The following SLC25A21 variants were observed in gnomAD, a reference collection of about 807,000 sequenced individuals.
SLC25A21 encodes mitochondrial 2-oxodicarboxylate carrier.
In SLC25A21, 47 loss-of-function variants were observed where a neutral mutation model predicts 43.8. The observed-to-expected ratio is 1.07, with a 90% CI of 0.85 to 1.37. The LOEUF (loss-of-function observed/expected upper bound fraction) is 1.37, where lower values mean the gene tolerates loss of function less well. SLC25A21 is among the 40% of genes most tolerant of loss of function. SLC25A21 has a pLI of 0.00. For missense variants in SLC25A21, 352 were observed against 350.2 expected, an observed-to-expected ratio of 1.00 and a Z score of -0.04; for synonymous variants, 131 against 121.3, an observed-to-expected ratio of 1.08 and a Z score of -0.52.
chr14:37,138,124 A>G (rs968672044), intron 1 of SLC25A21, among the ~76,000 whole-genome samples: 5 of 152,174 alleles, frequency 3.3e-5, no homozygotes, highest in African/African-American at 9.7e-5. Flanking sequence ...TGGTGACAAG[A>G]GAGCCAGATG....
chr14:36,858,484 C>G (rs1889969046), intron 2 of SLC25A21, among the ~76,000 whole-genome samples: 1 of 152,114 alleles, frequency 6.6e-6, no homozygotes, highest in African/African-American at 2.4e-5. Context: ...TAGTTCCTAA[C>G]TTTTCTGTAA....
intron 1 of SLC25A21, among the ~76,000 whole-genome samples, chr14:36,980,117 A>G (rs1959984732): frequency 6.6e-6 from 1 of 152,216 alleles, no homozygotes; most frequent in Non-Finnish European, 1.5e-5. Flanking sequence ...TGACAGTTAA[A>G]AAACTGTTGA....
At chr14:37,011,136 C>T (rs2138739122) in intron 1 of SLC25A21, among the ~76,000 whole-genome samples, 1 of 152,300 alleles carries the variant, frequency 6.6e-6, no homozygotes, top group Non-Finnish European at 1.5e-5. Flanking sequence ...ATCCGCCCAC[C>T]TCAGCCTCCC....
intron 1 of SLC25A21, among the ~76,000 whole-genome samples, chr14:37,067,903 T>C (rs370956257): frequency 1.2e-4 from 18 of 152,370 alleles, no homozygotes; most frequent in African/African-American, 3.8e-4. Flanking sequence ...ACTTCTGATA[T>C]CTTCTTCCCG....
intron 1 of SLC25A21, among the ~76,000 whole-genome samples, chr14:37,088,151 T>TG (rs1172857193): frequency 1.3e-5 from 2 of 152,210 alleles, no homozygotes; most frequent in Non-Finnish European, 2.9e-5. Flanking sequence ...ATACAGTATA[T>TG]TTTTCCTCTT....
At chr14:37,134,433 C>T (rs907670140) in intron 1 of SLC25A21, among the ~76,000 whole-genome samples, 5 of 152,092 alleles carry the variant, frequency 3.3e-5, no homozygotes, top group African/African-American at 9.7e-5. Context: ...ACACTCAGTA[C>T]TTTTTCCACT....
intron 2 of SLC25A21, among the ~76,000 whole-genome samples, chr14:36,827,447 C>A (rs761645384): frequency 2.0e-5 from 3 of 152,074 alleles, no homozygotes; most frequent in Non-Finnish European, 4.4e-5. Flanking sequence ...TGAAATCATG[C>A]GACAACTGCA....
At chr14:36,985,720 ATTT>A (rs1195701109) in intron 1 of SLC25A21, among the ~76,000 whole-genome samples, 2 of 152,088 alleles carry the variant, frequency 1.3e-5, no homozygotes, top group Non-Finnish European at 2.9e-5. Flanking sequence ...GGTTGTCGTA[ATTT>A]TCCAATTGTA....
At position 36,789,810 on chromosome 14, in the gene SLC25A21, T is replaced by TTATATTTA. The variant is rs1362072286; in HGVS notation, c.203+24107_203+24108insTAAATATA. On this transcript the variant is annotated intron_variant, in intron 3 of 9. Transcript: ENST00000331299. ...TTTATATATAATATATTTTATATAT[T>TTATATTTA]ATATATAATATATTTTATATATTTA... Among the ~76,000 whole-genome samples the TTATATTTA allele has an allele frequency of 1.1e-4, 11 of 101,104 alleles. 1 individual carries two copies. Among genetic ancestry groups the TTATATTTA allele is most frequent in the African/African-American group, 4.3e-4 (11 of 25,616 alleles). 66.3% of individuals were successfully genotyped at this position (101,104 alleles called of 152,430 possible). A position where few individuals can be genotyped will look rare whatever the true frequency, so the allele number is the denominator to read the frequency against.
At chr14:37,039,726 C>T (rs528154748) in intron 1 of SLC25A21, among the ~76,000 whole-genome samples, 1 of 152,328 alleles carries the variant, frequency 6.6e-6, no homozygotes, top group South Asian at 2.1e-4. Flanking sequence ...TGTGCCAGCC[C>T]TCAAGGATCT....
At chr14:37,129,603 G>T (rs1963358352) in intron 1 of SLC25A21, among the ~76,000 whole-genome samples, 1 of 151,372 alleles carries the variant, frequency 6.6e-6, no homozygotes, top group Non-Finnish European at 1.5e-5. Flanking sequence ...AACTGCCGCA[G>T]GTCCAATATT....
intron 1 of SLC25A21, among the ~76,000 whole-genome samples, chr14:36,969,682 G>A: frequency 6.6e-6 from 1 of 152,056 alleles, no homozygotes; most frequent in Middle Eastern, 3.4e-3. Flanking sequence ...TATGGAGATG[G>A]GGTCTCGGTA....
intron 2 of SLC25A21, among the ~76,000 whole-genome samples, chr14:36,858,233 C>G (rs1889960498): frequency 6.6e-6 from 1 of 152,152 alleles, no homozygotes; most frequent in East Asian, 1.9e-4. Context: ...CCATCTCTGC[C>G]TGCTGGACCA....
intron 1 of SLC25A21, among the ~76,000 whole-genome samples, chr14:37,171,034 C>G (rs12587565): frequency 6.7e-6 from 1 of 149,164 alleles, no homozygotes; most frequent in African/African-American, 2.5e-5. Flanking sequence ...AGCAGCGAGC[C>G]GAGATCGCGC....
At chr14:36,893,383 T>C (rs1891139999) in intron 1 of SLC25A21, among the ~76,000 whole-genome samples, 1 of 152,148 alleles carries the variant, frequency 6.6e-6, no homozygotes, top group African/African-American at 2.4e-5. Context: ...TTCACCCACT[T>C]TTTGATGGGG....
At chr14:36,884,275 C>T (rs79067276) in intron 1 of SLC25A21, among the ~76,000 whole-genome samples, 8,127 of 152,172 alleles carry the variant, frequency 0.053, 374 homozygotes, top group African/African-American at 0.1. Context: ...CTTAGCATGA[C>T]GTCCTCTGGG....
At chr14:37,158,779 G>C (rs1963891678) in intron 1 of SLC25A21, among the ~76,000 whole-genome samples, 1 of 152,090 alleles carries the variant, frequency 6.6e-6, no homozygotes, top group Non-Finnish European at 1.5e-5. Context: ...GATTGGAAAA[G>C]AGGAAGTCAC....
chr14:37,103,657 C>A (rs905006418), intron 1 of SLC25A21, among the ~76,000 whole-genome samples: 4 of 152,132 alleles, frequency 2.6e-5, no homozygotes, highest in Non-Finnish European at 5.9e-5. Context: ...TCTTTCTCTG[C>A]CACTTCAAAT....
At chr14:36,875,550 G>T (rs1005966418) in intron 1 of SLC25A21, among the ~76,000 whole-genome samples, 1 of 152,158 alleles carries the variant, frequency 6.6e-6, no homozygotes, top group Non-Finnish European at 1.5e-5. Flanking sequence ...TTTCTTGTGG[G>T]ATCACTGTGT....
Sources: gnomAD v4.1 joint callset for allele counts (sites outside exome capture counted in the v4.1 genomes callset) on GRCh38, gnomAD v4.1.1 for gene constraint, MANE v1.5 for transcripts, NCBI Gene and HGNC (gene_info 2026-07-23, HGNC 2026-07-21) for gene names.